The following NR3C1 variants were observed in gnomAD, a reference collection of about 807,000 sequenced individuals.
NR3C1 encodes the protein nuclear receptor subfamily 3 group C member 1.
NR3C1 carries 14 observed loss-of-function variants against 74.0 expected under a neutral mutation model. That is an observed-to-expected ratio of 0.19 (90% CI 0.12 to 0.30). The LOEUF is 0.30. NR3C1 is among the 10% of genes least tolerant of loss of function. The pLI, the probability that NR3C1 is intolerant of heterozygous loss-of-function variation, is 1.00. For synonymous variants in NR3C1, 308 were observed against 332.5 expected (o/e 0.93, Z 0.80); for missense variants, 695 against 909.8 (o/e 0.76, Z 3.04).
At chr5:143,335,671 A>T (rs1187494975) in intron 2 of NR3C1, among the ~76,000 whole-genome samples, 1 of 152,202 alleles carries the variant, frequency 6.6e-6, no homozygotes, top group Admixed American at 6.5e-5. Flanking sequence ...GGTACTATTC[A>T]TCTGTATACT....
intron 2 of NR3C1, among the ~76,000 whole-genome samples, chr5:143,329,124 T>C (rs1825314225): frequency 6.6e-6 from 1 of 152,170 alleles, no homozygotes. Context: ...TTTAATTTAC[T>C]CATAGTTCTG....
upstream of NR3C1, chr5:143,404,440 T>G (rs1485032048): frequency 1.0e-6 from 1 of 984,634 alleles, no homozygotes; most frequent in African/African-American, 1.8e-5. Context: ...GGCGGCCGGG[T>G]CTTCAGCTGC....
At chr5:143,351,570 G>C (rs911619437) in intron 2 of NR3C1, among the ~76,000 whole-genome samples, 2 of 152,018 alleles carry the variant, frequency 1.3e-5, no homozygotes, top group African/African-American at 2.4e-5. Flanking sequence ...ATAAAACACA[G>C]ACAATTGTCC....
chr5:143,332,364 A>G (rs1234828031), intron 2 of NR3C1, among the ~76,000 whole-genome samples: 3 of 145,500 alleles, frequency 2.1e-5, no homozygotes, highest in Non-Finnish European at 4.5e-5. Flanking sequence ...ACTGTGGATC[A>G]TAACATCTGA....
At chr5:143,419,968 G>T (rs1408825802) in intron 1 of NR3C1, among the ~76,000 whole-genome samples, 1 of 152,084 alleles carries the variant, frequency 6.6e-6, no homozygotes. Context: ...CCACCCTCAG[G>T]GGCATATTCT....
At chr5:143,289,658 A>G (rs17209251) in intron 7 of NR3C1, among the ~76,000 whole-genome samples, 24,668 of 152,210 alleles carry the variant, frequency 0.16, 2,428 homozygotes, top group Middle Eastern at 0.26. Context: ...CACATTGAGA[A>G]TATTTGAACA....
At chr5:143,388,246 T>C (rs919269710) in intron 2 of NR3C1, among the ~76,000 whole-genome samples, 3 of 152,216 alleles carry the variant, frequency 2.0e-5, no homozygotes, top group African/African-American at 2.4e-5. Flanking sequence ...ATGTATACTC[T>C]CTGTATTCAT....
chr5:143,370,428 T>C (rs1834039437), intron 2 of NR3C1, among the ~76,000 whole-genome samples: 1 of 152,228 alleles, frequency 6.6e-6, no homozygotes, highest in Non-Finnish European at 1.5e-5. Context: ...ATTCATTAAT[T>C]ATAAATATGT....
intron 1 of NR3C1, among the ~76,000 whole-genome samples, chr5:143,425,618 A>T (rs186565293): frequency 4.9e-4 from 75 of 152,338 alleles, no homozygotes; most frequent in Non-Finnish European, 7.6e-4. Flanking sequence ...AGCACATAAA[A>T]GATGCACAAT....
At position 143,279,251 on chromosome 5, in the gene NR3C1, T is replaced by G. The variant is rs1812752590; in HGVS notation, c.*2638A>C. ...TTCTTTTCCCATTTAATGAAAAGCCTCCTATAGTTGTCGATGAGCATCAGT... is the reference window on the plus strand; with the variant it reads ...TTCTTTTCCCATTTAATGAAAAGCCGCCTATAGTTGTCGATGAGCATCAGT... On this transcript the variant is annotated 3_prime_UTR_variant, in exon 9 of 9. Coordinates refer to ENST00000394464, the MANE Select transcript of NR3C1 (RefSeq NM_000176.3). The G allele has an allele frequency of 8.1e-7, 1 of 1,234,736 alleles. No homozygotes were observed. The highest frequency in any genetic ancestry group is 1.6e-5 in the African/African-American group (1 of 63,802). 76.5% of individuals were successfully genotyped at this position (1,234,736 alleles called of 1,614,324 possible). A position where few individuals can be genotyped will look rare whatever the true frequency, so the allele number is the denominator to read the frequency against.
At chr5:143,315,046 T>G (rs150110109) in intron 2 of NR3C1, among the ~76,000 whole-genome samples, 2 of 152,198 alleles carry the variant, frequency 1.3e-5, no homozygotes, top group African/African-American at 4.8e-5. Context: ...AAAAGATAAT[T>G]TGTTGTTTTA....
intron 7 of NR3C1, among the ~76,000 whole-genome samples, chr5:143,286,641 G>A (rs10482697): frequency 6.1e-4 from 92 of 152,046 alleles, no homozygotes; most frequent in South Asian, 4.4e-3. Flanking sequence ...CTAGGATAGC[G>A]ATAATAAAAA....
At chr5:143,379,854 G>T (rs866531887) in intron 2 of NR3C1, among the ~76,000 whole-genome samples, 1 of 152,174 alleles carries the variant, frequency 6.6e-6, no homozygotes, top group Non-Finnish European at 1.5e-5. Context: ...GGCCAGATCA[G>T]CAGAACTGCC....
chr5:143,434,798 A>G (rs952779013), exon 1 of NR3C1: 2 of 985,358 alleles, frequency 2.0e-6, no homozygotes, highest in Non-Finnish European at 2.4e-6. Flanking sequence ...TGAGAGCACC[A>G]GAATGAAATC....
chr5:143,408,827 T>G (rs1361372846), intron 1 of NR3C1, among the ~76,000 whole-genome samples: 1 of 152,146 alleles, frequency 6.6e-6, no homozygotes, highest in Non-Finnish European at 1.5e-5. Context: ...TAGAATAATT[T>G]TCGTGCAGAT....
intron 2 of NR3C1, among the ~76,000 whole-genome samples, chr5:143,336,677 T>A (rs554489057): frequency 1.3e-5 from 2 of 152,146 alleles, no homozygotes; most frequent in East Asian, 3.9e-4. Context: ...AAAATATTTT[T>A]AAAAAATATC....
rs1751069020 is a variant in NR3C1, at chr5:143,419,000, C to A, written c.-14+15532G>T. Among the ~76,000 whole-genome samples the A allele has an allele frequency of 2.0e-5, 3 of 152,138 alleles. No homozygotes were observed. The South Asian group carries it at 6.2e-4, about 32-fold the overall frequency. ...TTTGGCATTACTATAGGTCAAATAT[C>A]CCTAATCCCAAATTCTGAAATCGGA... On this transcript the variant is annotated intron_variant, in intron 1 of 8. Coordinates refer to the NR3C1 transcript ENST00000343796.
rs777463764 is a variant in NR3C1, at chr5:143,300,351, T to G, written c.1747+134A>C. ...TCCCTATCACCTGTATTCACCTGAC[T>G]CTCCCCTTCATAGTCCCCAGAACTA... is the stretch of plus-strand genomic sequence containing the variant. On this transcript the variant is annotated intron_variant, in intron 5 of 8. Coordinates refer to ENST00000394464, the MANE Select transcript of NR3C1 (RefSeq NM_000176.3). This position sits in a 1 kb window ranked among gnomAD's most constrained non-coding sequence, Gnocchi z 5.2. 1 of 1,033,360 alleles carries G rather than the reference T, an allele frequency of 9.7e-7. No homozygotes were observed. The highest frequency in any genetic ancestry group is 1.5e-6 in the Non-Finnish European group (1 of 667,780). 64.0% of individuals were successfully genotyped at this position (1,033,360 alleles called of 1,614,324 possible).
rs28546630 is a variant in NR3C1, at chr5:143,409,534, T to C, written c.-13-8682A>G. Reference sequence around the variant, plus strand: ...TTTTATTGGTGGTTAGAACTTACTTTAAAAAATTATTCCTGCAGCTATCAT... The same window carrying C: ...TTTTATTGGTGGTTAGAACTTACTTCAAAAAATTATTCCTGCAGCTATCAT... On this transcript the variant is annotated intron_variant, in intron 1 of 8. Transcript: ENST00000343796. Among the ~76,000 whole-genome samples, 636 of 152,340 alleles carry C rather than the reference T, an allele frequency of 4.2e-3. 2 individuals are homozygous for C. Among genetic ancestry groups the C allele is most frequent in the African/African-American group, 0.015 (610 of 41,576 alleles).
Sources: allele counts gnomAD v4.1 joint callset (sites outside exome capture counted in the v4.1 genomes callset), GRCh38; gene constraint gnomAD v4.1.1; non-coding constraint Gnocchi (gnomAD v3.1); transcripts MANE v1.5; gene names NCBI Gene and HGNC (gene_info 2026-07-23, HGNC 2026-07-21).